Variants in FGF13 observed in about 807,000 individuals in gnomAD.
The protein encoded by FGF13 is fibroblast growth factor homologous factor 2.
A neutral mutation model predicts 19.5 loss-of-function variants in FGF13; 2 were observed. The ratio of observed to expected loss-of-function variants is 0.10; its 90% CI spans 0.04 to 0.32. FGF13 has a LOEUF of 0.32. Among genes scored for constraint, FGF13 ranks in the 10% least tolerant of loss-of-function variants. FGF13 has a pLI of 1.00. For synonymous variants in FGF13, 72 were observed against 76.9 expected, an observed-to-expected ratio of 0.94 and a Z score of 0.33; for missense variants, 113 against 192.7, an observed-to-expected ratio of 0.59 and a Z score of 2.45.
chrX:138,971,715 C>A lies in FGF13; in HGVS notation c.-112-107065G>T, dbSNP rs888404648. ...GTTCATCACCTCAAACAGGTGATTT[C>A]TTTGTGGTATGAACTCAAAATCCGC... On this transcript the variant is annotated intron_variant, in intron 1 of 2. Coordinates refer to the FGF13 transcript ENST00000421460. 4.5e-5 allele frequency among the ~76,000 whole-genome samples: 5 copies of A among 111,608 alleles called. 1 individual carries two copies. Among genetic ancestry groups the A allele is most frequent in the Non-Finnish European group, 9.4e-5 (5 of 53,069 alleles).
At position 138,617,032 on chromosome X, in the gene FGF13, G is replaced by T. The variant is rs1368099022; in HGVS notation, c.*15818C>A. ...AGGCCTCCTGGCCTATAATGGGAGA[G>T]GCTGCAGTGAAGGTCTCTGACATGC... On this transcript the variant is annotated 3_prime_UTR_variant, in exon 5 of 5. Transcript: ENST00000315930. 1.8e-5 allele frequency: 2 copies of T among 111,883 alleles called. No homozygotes were observed. Among genetic ancestry groups the T allele is most frequent in the Non-Finnish European group, 3.8e-5 (2 of 53,209 alleles). 9.2% of individuals were successfully genotyped at this position (111,883 alleles called of 1,213,427 possible).
intron 1 of FGF13, among the ~76,000 whole-genome samples, chrX:139,038,437 C>A (rs188730846): frequency 8.2e-4 from 92 of 111,562 alleles, no homozygotes; most frequent in Non-Finnish European, 1.2e-3. Flanking sequence ...CCTTTTAAAA[C>A]CTTCCTACCT....
chrX:138,949,062 T>A (rs941505849), intron 1 of FGF13, among the ~76,000 whole-genome samples: 7 of 111,720 alleles, frequency 6.3e-5, no homozygotes, highest in African/African-American at 2.3e-4. Flanking sequence ...AAAAATTCTC[T>A]GGCACCAAAG....
intron 1 of FGF13, among the ~76,000 whole-genome samples, chrX:138,889,414 G>A (rs1182217420): frequency 8.9e-6 from 1 of 112,207 alleles, no homozygotes; most frequent in Admixed American, 9.4e-5. Flanking sequence ...AGACCTCCCA[G>A]CAAGAATATT....
At chrX:139,152,602 G>A (rs934533428) in intron 1 of FGF13, among the ~76,000 whole-genome samples, 1 of 110,652 alleles carries the variant, frequency 9.0e-6, no homozygotes, top group African/African-American at 3.3e-5. Context: ...ATATCATATG[G>A]GACTTGGGAT....
chrX:138,960,919 T>A (rs996534061), intron 1 of FGF13, among the ~76,000 whole-genome samples: 34 of 111,642 alleles, frequency 3.0e-4, no homozygotes, highest in Non-Finnish European at 1.3e-4. Context: ...CTAACCTTTT[T>A]TCAAGGTTTT....
intron 3 of FGF13, among the ~76,000 whole-genome samples, chrX:138,667,109 A>G (rs953414603): frequency 9.3e-6 from 1 of 107,990 alleles, no homozygotes. Context: ...ATATTATGCT[A>G]TATCATATAT....
intron 1 of FGF13, among the ~76,000 whole-genome samples, chrX:139,138,926 C>CT (rs758384021): frequency 0.031 from 2,613 of 85,496 alleles, 63 homozygotes; most frequent in Admixed American, 0.064. Context: ...TGTTATTTAT[C>CT]TTTTTTTTTT....
intron 3 of FGF13, among the ~76,000 whole-genome samples, chrX:138,680,505 T>C (rs902173742): frequency 8.0e-5 from 9 of 111,915 alleles, no homozygotes; most frequent in Non-Finnish European, 1.5e-4. Flanking sequence ...TTTAATCTCT[T>C]TGTACATCTC....
Position 138,819,871 on chromosome X carries a change from G to T in FGF13, c.217+37641C>A, listed in dbSNP as rs2090987060. Among the ~76,000 whole-genome samples the T allele has an allele frequency of 5.4e-5, 6 of 111,519 alleles. No homozygotes were observed. In the Admixed American group the frequency reaches 5.7e-4, roughly 11 times the overall value. Reference sequence around the variant, plus strand: ...ATGTACTTCAAACAATAACTTGAAGGTGGAATATTGTGATTTGCACTGAAG... The same window carrying T: ...ATGTACTTCAAACAATAACTTGAAGTTGGAATATTGTGATTTGCACTGAAG... On this transcript the variant is annotated intron_variant, in intron 3 of 6. Transcript: ENST00000436198.
At chrX:139,036,271 C>T (rs1427341108) in intron 1 of FGF13, among the ~76,000 whole-genome samples, 1 of 111,308 alleles carries the variant, frequency 9.0e-6, no homozygotes, top group Non-Finnish European at 1.9e-5. Context: ...TATTCTGCTG[C>T]TTCTCACAGC....
intron 1 of FGF13, among the ~76,000 whole-genome samples, chrX:138,979,674 G>A (rs1216206066): frequency 9.0e-6 from 1 of 110,964 alleles, no homozygotes; most frequent in African/African-American, 3.3e-5. Context: ...ACAAAGAAGG[G>A]ATTCAAGGAC....
chrX:139,180,401 C>G (rs778459031), intron 1 of FGF13, among the ~76,000 whole-genome samples: 8 of 111,909 alleles, frequency 7.1e-5, no homozygotes, highest in Non-Finnish European at 1.3e-4. Flanking sequence ...AACTTACATA[C>G]CCTAAAGGTA....
At chrX:138,811,285 G>GTCCTTTGTAGGGACA (rs1217157158) in intron 3 of FGF13, among the ~76,000 whole-genome samples, 3 of 111,342 alleles carry the variant, frequency 2.7e-5, no homozygotes, top group Non-Finnish European at 5.7e-5. Context: ...ATGAGTTCAT[G>GTCCTTTGTAGGGACA]TCCTTTGTAG....
rs766878636 is a variant in FGF13 at position 138,817,169 on chromosome X, G to C, written c.217+40343C>G. On this transcript the variant is annotated intron_variant, in intron 3 of 6. Transcript: ENST00000436198. ...TAGGAGGGCAAATGTGATTATTATG[G>C]TTATTTTTCCATATCTGCCCTAAAA... Among the ~76,000 whole-genome samples, 4 of 111,314 alleles carry C rather than the reference G, an allele frequency of 3.6e-5. No homozygotes were observed. The South Asian group carries it at 1.2e-3, about 32-fold the overall frequency.
At chrX:139,076,228 C>T (rs1482978338) in intron 1 of FGF13, among the ~76,000 whole-genome samples, 2 of 111,320 alleles carry the variant, frequency 1.8e-5, no homozygotes, top group African/African-American at 6.5e-5. Context: ...CACTGAAGTA[C>T]TCTGTAGGCC....
chrX:138,667,069 T>C (rs1194514539), intron 3 of FGF13, among the ~76,000 whole-genome samples: 1 of 108,555 alleles, frequency 9.2e-6, no homozygotes, highest in Non-Finnish European at 1.9e-5. Flanking sequence ...TATATGTATT[T>C]TATATATGTA....
intron 1 of FGF13, among the ~76,000 whole-genome samples, chrX:138,963,306 A>G (rs1286499503): frequency 8.8e-6 from 1 of 113,031 alleles, no homozygotes; most frequent in African/African-American, 3.2e-5. Context: ...ATCACCTGGG[A>G]AAAAGTTCAT....
At chrX:138,820,851 C>T (rs891166042) in intron 3 of FGF13, among the ~76,000 whole-genome samples, 19 of 110,405 alleles carry the variant, frequency 1.7e-4, no homozygotes, top group Non-Finnish European at 3.2e-4. Flanking sequence ...GCATGGTGCT[C>T]CTAGATAATG....
Sources: allele counts gnomAD v4.1 joint callset (sites outside exome capture counted in the v4.1 genomes callset), GRCh38; gene constraint gnomAD v4.1.1; transcripts MANE v1.5; gene names NCBI Gene and HGNC (gene_info 2026-07-23, HGNC 2026-07-21).